CADM2: variants seen among roughly 807,000 people sequenced by gnomAD.
CADM2 encodes the protein cell adhesion molecule 2, also known as immunoglobulin superfamily member 4D.
Under a neutral mutation model 49.8 loss-of-function variants are expected in CADM2, and 12 were observed. That is an observed-to-expected ratio of 0.24 (90% CI 0.15 to 0.39). The LOEUF is 0.39. Ranked by LOEUF, CADM2 falls within the 10% of genes least tolerant of loss-of-function variation. CADM2 has a pLI of 1.00. For missense variants in CADM2, 378 were observed against 492.3 expected, an observed-to-expected ratio of 0.77 and a Z score of 2.20; for synonymous variants, 214 against 175.4, an observed-to-expected ratio of 1.22 and a Z score of -1.74.
At chr3:85,818,383 C>G (rs1232411245) in intron 3 of CADM2, among the ~76,000 whole-genome samples, 1 of 152,152 alleles carries the variant, frequency 6.6e-6, no homozygotes, top group Non-Finnish European at 1.5e-5. Context: ...CGACAAACAG[C>G]AGCATAAAGT....
intron 8 of CADM2, among the ~76,000 whole-genome samples, chr3:86,016,740 G>A (rs1372229093): frequency 6.6e-6 from 1 of 152,032 alleles, no homozygotes; most frequent in African/African-American, 2.4e-5. Flanking sequence ...AACACTTAGG[G>A]AAATCATGTT....
intron 1 of CADM2, among the ~76,000 whole-genome samples, chr3:85,196,187 A>T (rs1334822243): frequency 6.6e-6 from 1 of 152,058 alleles, no homozygotes; most frequent in Admixed American, 6.6e-5. Context: ...AGCTCGTCTT[A>T]TGACAATTTG....
At chr3:85,031,625 C>T (rs1333368327) in intron 1 of CADM2, among the ~76,000 whole-genome samples, 1 of 152,184 alleles carries the variant, frequency 6.6e-6, no homozygotes, top group Non-Finnish European at 1.5e-5. Context: ...CGCCACTCTC[C>T]TGCCTCAGCC....
At chr3:85,058,662 C>T (rs1452507828) in intron 1 of CADM2, among the ~76,000 whole-genome samples, 4 of 151,938 alleles carry the variant, frequency 2.6e-5, no homozygotes, top group Non-Finnish European at 5.9e-5. Context: ...TCAGGTTGGT[C>T]TCTAACTCCT....
At chr3:85,737,013 C>T (rs1034651499) in intron 2 of CADM2, among the ~76,000 whole-genome samples, 1 of 152,046 alleles carries the variant, frequency 6.6e-6, no homozygotes, top group African/African-American at 2.4e-5. Context: ...AAATAAGTGC[C>T]CTTAAATATT....
rs551715320 is a variant in CADM2, at chr3:85,699,172, G to A, written c.62-27350G>A. On this transcript the variant is annotated intron_variant, in intron 1 of 9. Transcript: ENST00000383699. ...CATGACACGCTGGTGCAAGGGATGG[G>A]CTCCCAAAGCCTTGGACAGCTCTGC... 1.2e-4 allele frequency among the ~76,000 whole-genome samples: 18 copies of A among 152,274 alleles called. No homozygotes were observed. The East Asian group carries it at 3.3e-3, about 28-fold the overall frequency.
rs532801430 is a variant in CADM2 at position 85,104,580 on chromosome 3, A to C, written c.61+144912A>C. On this transcript the variant is annotated intron_variant, in intron 1 of 9. Transcript: ENST00000383699. ...TCTTTTTTGGAACCATATGAACTTT[A>C]AAGTAGTTTTTTCCAATTCTGTGAA... is the stretch of plus-strand genomic sequence containing the variant. Among the ~76,000 whole-genome samples, 19 of 152,238 alleles carry C rather than the reference A, an allele frequency of 1.2e-4. 1 individual carries two copies. Among genetic ancestry groups the C allele is most frequent in the Admixed American group, 4.6e-4 (7 of 15,288 alleles).
At chr3:85,994,581 C>G (rs1729143617) in intron 8 of CADM2, 1 of 152,162 alleles carries the variant, frequency 6.6e-6, no homozygotes, top group African/African-American at 2.4e-5. Flanking sequence ...AGCATGCCTT[C>G]CTCACTAAGC....
chr3:85,776,633 C>T (rs2070374550), intron 2 of CADM2, among the ~76,000 whole-genome samples: 1 of 152,042 alleles, frequency 6.6e-6, no homozygotes, highest in Non-Finnish European at 1.5e-5. Flanking sequence ...TTGACAATAA[C>T]ATACACCTTG....
chr3:85,401,694 C>A (rs9854888), intron 1 of CADM2, among the ~76,000 whole-genome samples: 117,772 of 152,016 alleles, frequency 0.77, 47,781 homozygotes, highest in East Asian at 0.95. Flanking sequence ...TTTGGAGGGA[C>A]CCTGTAGTCC....
At chr3:85,415,617 A>T (rs1383064373) in intron 1 of CADM2, among the ~76,000 whole-genome samples, 1 of 152,186 alleles carries the variant, frequency 6.6e-6, no homozygotes, top group African/African-American at 2.4e-5. Context: ...CTTGAAAAGA[A>T]ATGTAAATGC....
chr3:86,040,620 A>G (rs1735761363), intron 8 of CADM2, among the ~76,000 whole-genome samples: 1 of 152,222 alleles, frequency 6.6e-6, no homozygotes, highest in Non-Finnish European at 1.5e-5. Context: ...TGTACCTGAA[A>G]GTGATGGGGA....
intron 1 of CADM2, among the ~76,000 whole-genome samples, chr3:85,568,962 G>A (rs17460541): frequency 6.6e-6 from 1 of 151,806 alleles, no homozygotes; most frequent in African/African-American, 2.4e-5. Flanking sequence ...TTAATCAAAC[G>A]TCTCAATTTG....
chr3:85,220,272 T>C (rs1365562812), intron 1 of CADM2, among the ~76,000 whole-genome samples: 1 of 152,136 alleles, frequency 6.6e-6, no homozygotes, highest in Non-Finnish European at 1.5e-5. Flanking sequence ...TGCCAATTAA[T>C]TCCAATTTTG....
At chr3:85,530,475 C>T (rs1463998337) in intron 1 of CADM2, among the ~76,000 whole-genome samples, 4 of 151,864 alleles carry the variant, frequency 2.6e-5, no homozygotes, top group East Asian at 2.0e-4. Context: ...GGACTACAGG[C>T]GCCCGCCACC....
At chr3:85,844,147 A>G (rs2074769636) in intron 3 of CADM2, among the ~76,000 whole-genome samples, 1 of 152,104 alleles carries the variant, frequency 6.6e-6, no homozygotes, top group Admixed American at 6.6e-5. Context: ...CTTGAGAAGA[A>G]TATGTGAGAT....
intron 1 of CADM2, among the ~76,000 whole-genome samples, chr3:85,008,621 C>T (rs1209796404): frequency 6.6e-6 from 1 of 151,222 alleles, no homozygotes; most frequent in Non-Finnish European, 1.5e-5. Context: ...GAGGTTTCTA[C>T]TCAAAAACAA....
intron 1 of CADM2, among the ~76,000 whole-genome samples, chr3:85,427,513 A>G (rs1269575229): frequency 6.6e-6 from 1 of 152,052 alleles, no homozygotes; most frequent in East Asian, 1.9e-4. Context: ...ACACTAGATA[A>G]TAATACCCTT....
chr3:85,615,673 G>A (rs2063784563), intron 1 of CADM2, among the ~76,000 whole-genome samples: 1 of 151,378 alleles, frequency 6.6e-6, no homozygotes, highest in Non-Finnish European at 1.5e-5. Context: ...TTTAAACTCA[G>A]GATAGCATCA....
Sources: gnomAD v4.1 joint callset for allele counts (sites outside exome capture counted in the v4.1 genomes callset) on GRCh38, gnomAD v4.1.1 for gene constraint, MANE v1.5 for transcripts, NCBI Gene and HGNC (gene_info 2026-07-23, HGNC 2026-07-21) for gene names.